Variants in RGS6 observed in about 807,000 individuals in gnomAD.
The protein encoded by RGS6 is regulator of G protein signaling 6, also known as regulator of G-protein signaling 6.
Under a neutral mutation model 78.5 loss-of-function variants are expected in RGS6, and 30 were observed. The ratio of observed to expected loss-of-function variants is 0.38; its 90% CI spans 0.29 to 0.52. The LOEUF (loss-of-function observed/expected upper bound fraction) is 0.52. Among genes scored for constraint, RGS6 ranks in the 20% least tolerant of loss-of-function variants. The pLI is 0.85. For synonymous variants in RGS6, 206 were observed against 206.0 expected, an observed-to-expected ratio of 1.00 and a Z score of 0.00; for missense variants, 495 against 609.7, an observed-to-expected ratio of 0.81 and a Z score of 1.98.
At chr14:72,593,221 T>C in the RGS6 span, among the ~76,000 whole-genome samples, 1 of 152,316 alleles carries the variant, frequency 6.6e-6, no homozygotes, top group East Asian at 1.9e-4. Flanking sequence ...AGGCTTCAGA[T>C]CTGTGCATCT....
At chr14:72,599,752 G>T in the RGS6 span, among the ~76,000 whole-genome samples, 2 of 151,920 alleles carry the variant, frequency 1.3e-5, no homozygotes, top group African/African-American at 4.8e-5. Flanking sequence ...ACCAGTCACA[G>T]CCCCTGATGA....
chr14:71,919,478 G>A, the RGS6 span, among the ~76,000 whole-genome samples: 1 of 152,034 alleles, frequency 6.6e-6, no homozygotes, highest in Non-Finnish European at 1.5e-5. Flanking sequence ...GTGTGTGTGT[G>A]ATGTGTATGT....
At chr14:72,384,537 A>G (rs117165053) in intron 3 of RGS6, among the ~76,000 whole-genome samples, 25 of 152,286 alleles carry the variant, frequency 1.6e-4, no homozygotes, top group Non-Finnish European at 2.8e-4. Flanking sequence ...TTTCAGTTTT[A>G]TTAAAGATCA....
chr14:71,942,244 C>T (rs2090718366), intron 1 of RGS6, among the ~76,000 whole-genome samples: 1 of 152,066 alleles, frequency 6.6e-6, no homozygotes, highest in African/African-American at 2.4e-5. Flanking sequence ...TAAATAATAA[C>T]TAGGAATACC....
At chr14:72,339,531 A>G (rs1490065012) in intron 2 of RGS6, among the ~76,000 whole-genome samples, 1 of 152,174 alleles carries the variant, frequency 6.6e-6, no homozygotes, top group Non-Finnish European at 1.5e-5. Context: ...TGGAGAGACC[A>G]GCCAATTTAG....
intron 2 of RGS6, among the ~76,000 whole-genome samples, chr14:72,005,471 C>A (rs367562981): frequency 1.1e-3 from 11 of 10,374 alleles, no homozygotes; most frequent in African/African-American, 3.9e-3. Flanking sequence ...CTATCTATAT[C>A]TCCCTATTCA....
intron 13 of RGS6, among the ~76,000 whole-genome samples, chr14:72,500,922 G>A (rs2096715881): frequency 6.6e-6 from 1 of 152,128 alleles, no homozygotes; most frequent in African/African-American, 2.4e-5. Flanking sequence ...TTTTTAAATA[G>A]TAGGCTGCCA....
At chr14:72,478,130 C>G (rs988177754) in intron 11 of RGS6, 138 bp from the exon 12 acceptor site, 21 of 641,728 alleles carry the variant, frequency 3.3e-5, no homozygotes, top group Non-Finnish European at 5.9e-5. Context: ...TGCTGGAGGG[C>G]AGAGCTGAGG....
intron 12 of RGS6, among the ~76,000 whole-genome samples, chr14:72,483,448 G>A (rs2096422411): frequency 6.6e-6 from 1 of 152,094 alleles, no homozygotes; most frequent in Non-Finnish European, 1.5e-5. Flanking sequence ...CCCTGAAATT[G>A]GATGCTGGTT....
At chr14:72,615,317 T>C in the RGS6 span, among the ~76,000 whole-genome samples, 1 of 152,170 alleles carries the variant, frequency 6.6e-6, no homozygotes, top group South Asian at 2.1e-4. Flanking sequence ...GGCCTGAGGT[T>C]GCCAGCAACC....
chr14:72,127,782 T>C (rs2096235017), intron 2 of RGS6, among the ~76,000 whole-genome samples: 1 of 152,138 alleles, frequency 6.6e-6, no homozygotes, highest in African/African-American at 2.4e-5. Flanking sequence ...ACAGGACAGT[T>C]CCATTAACAC....
At chr14:71,963,335 G>A (rs1273250267) in intron 1 of RGS6, among the ~76,000 whole-genome samples, 1 of 152,076 alleles carries the variant, frequency 6.6e-6, no homozygotes, top group African/African-American at 2.4e-5. Context: ...TTTTCAAAAA[G>A]GCCACATTAA....
chr14:71,938,970 G>A (rs866629702), intron 1 of RGS6, among the ~76,000 whole-genome samples: 3 of 152,152 alleles, frequency 2.0e-5, no homozygotes, highest in Non-Finnish European at 4.4e-5. Context: ...ATCCCTATCT[G>A]CCACTGACAA....
chr14:72,152,273 T>TGCGC (rs151177791), intron 2 of RGS6, among the ~76,000 whole-genome samples: 2 of 149,120 alleles, frequency 1.3e-5, no homozygotes, highest in Non-Finnish European at 3.0e-5. Context: ...TGTGTGTGTG[T>TGCGC]GCGCATGCAG....
Position 72,563,115 on chromosome 14 carries a change from GGA to G in RGS6, c.*652_*653del, listed in dbSNP as rs2097693625. On this transcript the variant is annotated 3_prime_UTR_variant, in exon 18 of 18. Coordinates refer to ENST00000553525, the MANE Select transcript of RGS6 (RefSeq NM_001204424.2). ...TCCACCCTCTTTGAGATCAGCGTTC[GGA>G]GAGGTCCCCGCCAGCCCGGTGGCTG... 1 of 325,788 alleles carries G rather than the reference GGA, an allele frequency of 3.1e-6. No homozygotes were observed. Among genetic ancestry groups the G allele is most frequent in the African/African-American group, 2.1e-5 (1 of 47,758 alleles). The allele number at this position is 325,788 out of a possible 1,614,324, so 20.2% of individuals were successfully genotyped here.
intron 2 of RGS6, among the ~76,000 whole-genome samples, chr14:72,254,668 C>G (rs757136350): frequency 1.3e-5 from 2 of 152,176 alleles, no homozygotes; most frequent in Non-Finnish European, 2.9e-5. Flanking sequence ...ACTCTTTTCT[C>G]CCTTCTTTAT....
intron 3 of RGS6, among the ~76,000 whole-genome samples, chr14:72,401,113 T>C (rs1462127974): frequency 6.6e-6 from 1 of 152,192 alleles, no homozygotes; most frequent in African/African-American, 2.4e-5. Context: ...GTTAGATAAA[T>C]CTTATGTTCA....
intron 17 of RGS6, among the ~76,000 whole-genome samples, chr14:72,550,012 TCCTAAGAACCACCCCGATTG>T (rs2153529945): frequency 6.6e-6 from 1 of 152,258 alleles, no homozygotes; most frequent in Non-Finnish European, 1.5e-5. Context: ...TTTCCAGCTG[TCCTAAGAACCACCCCGATTG>T]CCGATGACAC....
chr14:72,506,984 T>TAAAAAAAAAAAAAA lies in RGS6; in HGVS notation c.966-3148_966-3135dup, dbSNP rs71109738. 2.4e-4 allele frequency among the ~76,000 whole-genome samples: 13 copies of TAAAAAAAAAAAAAA among 54,392 alleles called. 1 individual carries two copies. The highest frequency in any genetic ancestry group is 1.1e-3 in the South Asian group (1 of 900). The allele number at this position is 54,392 out of a possible 152,430, so 35.7% of individuals were successfully genotyped here. ...TAACACGGTGAAACCCTGTCTCTAC[T>TAAAAAAAAAAAAAA]AAAAAAAAAAAAAAAAAAAAAAAAA... On this transcript the variant is annotated intron_variant, in intron 13 of 17. Coordinates refer to ENST00000553525, the MANE Select transcript of RGS6 (RefSeq NM_001204424.2).
Sources: gnomAD v4.1 joint callset for allele counts (sites outside exome capture counted in the v4.1 genomes callset) on GRCh38, gnomAD v4.1.1 for gene constraint, MANE v1.5 for transcripts, NCBI Gene and HGNC (gene_info 2026-07-23, HGNC 2026-07-21) for gene names.